Variants in ACYP2 observed in about 807,000 individuals in gnomAD.
ACYP2 encodes acylphosphatase 2.
ACYP2 carries 12 observed loss-of-function variants against 11.2 expected under a neutral mutation model. The observed-to-expected ratio is 1.08, with a 90% CI of 0.69 to 1.74. The LOEUF (loss-of-function observed/expected upper bound fraction) is 1.74, where lower values mean the gene tolerates loss of function less well. Ranked by LOEUF, ACYP2 falls within the 40% of genes most tolerant of loss-of-function variation. ACYP2 has a pLI of 0.00. For missense variants in ACYP2, 134 were observed against 101.9 expected, an observed-to-expected ratio of 1.31 and a Z score of -1.35; for synonymous variants, 43 against 32.2, an observed-to-expected ratio of 1.33 and a Z score of -1.13.
intron 4 of ACYP2, among the ~76,000 whole-genome samples, chr2:54,091,770 C>G (rs1481940709): frequency 6.6e-6 from 1 of 152,050 alleles, no homozygotes; most frequent in Non-Finnish European, 1.5e-5. Context: ...TCTCGGCCTC[C>G]CAAAGTGCGG....
chr2:54,262,689 C>T (rs949016209), intron 6 of ACYP2, among the ~76,000 whole-genome samples: 1 of 143,954 alleles, frequency 6.9e-6, no homozygotes, highest in Non-Finnish European at 1.5e-5. Flanking sequence ...CTTGAGTTGT[C>T]ATTTTAGGAT....
At chr2:54,102,013 G>C (rs2103703208) in intron 4 of ACYP2, among the ~76,000 whole-genome samples, 2 of 152,258 alleles carry the variant, frequency 1.3e-5, no homozygotes, top group Middle Eastern at 3.4e-3. Flanking sequence ...GTAATGTCAT[G>C]TATTCACCAT....
At chr2:54,178,245 A>G (rs1218417090) in intron 6 of ACYP2, among the ~76,000 whole-genome samples, 1 of 152,164 alleles carries the variant, frequency 6.6e-6, no homozygotes, top group African/African-American at 2.4e-5. Flanking sequence ...CACTTTTTAT[A>G]TTGATTTTTA....
intron 6 of ACYP2, among the ~76,000 whole-genome samples, chr2:54,196,512 A>G (rs1558604010): frequency 6.6e-6 from 1 of 152,050 alleles, no homozygotes; most frequent in Non-Finnish European, 1.5e-5. Flanking sequence ...GATTATTTCA[A>G]TTTTTTTTAA....
rs568136282 is a variant in ACYP2, at chr2:54,090,377, TC to T, written c.277+33020del. ...CAGGTGCAGTGGCTCATGCCTGTAATCCCAGCACTTTGGGAGGCCGAGGTGG... is the reference window on the plus strand; with the variant it reads ...CAGGTGCAGTGGCTCATGCCTGTAATCCAGCACTTTGGGAGGCCGAGGTGG... On this transcript the variant is annotated intron_variant, in intron 4 of 6. Coordinates refer to ENST00000607452, the MANE Select transcript of ACYP2 (RefSeq NM_001320586.2). Among the ~76,000 whole-genome samples the T allele has an allele frequency of 2.9e-3, 448 of 152,238 alleles. 2 individuals are homozygous for T. The highest frequency in any genetic ancestry group is 0.011 in the African/African-American group (442 of 41,538).
chr2:54,110,626 G>C (rs756385613), intron 4 of ACYP2, among the ~76,000 whole-genome samples: 2 of 152,058 alleles, frequency 1.3e-5, no homozygotes, highest in African/African-American at 2.4e-5. Context: ...TTGTGCAAAA[G>C]GGGCATTTTA....
chr2:54,007,814 G>C (rs1342014286), intron 2 of ACYP2, among the ~76,000 whole-genome samples: 1 of 152,122 alleles, frequency 6.6e-6, no homozygotes, highest in African/African-American at 2.4e-5. Context: ...GCAGTGAGCT[G>C]AGATCGTGCC....
chr2:54,095,860 G>A (rs1463619667), intron 4 of ACYP2, among the ~76,000 whole-genome samples: 1 of 47,180 alleles, frequency 2.1e-5, no homozygotes, highest in Admixed American at 1.6e-4. Context: ...CAGTAGGGGC[G>A]GCCGGGCAGA....
intron 2 of ACYP2, among the ~76,000 whole-genome samples, chr2:54,018,478 G>A (rs904060587): frequency 6.6e-6 from 1 of 151,652 alleles, no homozygotes; most frequent in African/African-American, 2.4e-5. Context: ...TCAATTAATT[G>A]TTGCCAGATG....
intron 6 of ACYP2, among the ~76,000 whole-genome samples, chr2:54,265,233 G>C (rs1687961310): frequency 6.6e-6 from 1 of 152,134 alleles, no homozygotes; most frequent in Admixed American, 6.5e-5. Context: ...GGCTGGGGAG[G>C]CCTCACAATC....
intron 6 of ACYP2, among the ~76,000 whole-genome samples, chr2:54,173,026 T>C (rs983509099): frequency 2.6e-5 from 4 of 152,228 alleles, no homozygotes; most frequent in Admixed American, 6.5e-5. Context: ...TGTGTCTTTA[T>C]AGCAGCATGT....
intron 6 of ACYP2, among the ~76,000 whole-genome samples, chr2:54,248,748 C>CT (rs1687074497): frequency 6.6e-6 from 1 of 152,080 alleles, no homozygotes; most frequent in South Asian, 2.1e-4. Flanking sequence ...CCTTGAAGAA[C>CT]TTAAAATTGA....
intron 6 of ACYP2, among the ~76,000 whole-genome samples, chr2:54,288,371 T>G (rs977665120): frequency 1.3e-5 from 2 of 151,888 alleles, no homozygotes; most frequent in Non-Finnish European, 2.9e-5. Flanking sequence ...TGAAAAGCAG[T>G]GGGTGGTGTA....
chr2:54,035,229 C>T (rs1365651557), intron 2 of ACYP2, among the ~76,000 whole-genome samples: 1 of 151,232 alleles, frequency 6.6e-6, no homozygotes, highest in Non-Finnish European at 1.5e-5. Flanking sequence ...TTAGACCGGC[C>T]CTGACTCTAA....
chr2:54,194,891 G>C (rs563105927), intron 6 of ACYP2, among the ~76,000 whole-genome samples: 1 of 152,278 alleles, frequency 6.6e-6, no homozygotes, highest in African/African-American at 2.4e-5. Context: ...TATATATTCA[G>C]AGTTGGTATC....
At chr2:53,999,089 G>A (rs1473359265) in intron 2 of ACYP2, among the ~76,000 whole-genome samples, 3 of 152,064 alleles carry the variant, frequency 2.0e-5, no homozygotes, top group Non-Finnish European at 2.9e-5. Context: ...AAAGGATGTG[G>A]GAGGATATAA....
At chr2:54,071,031 C>T (rs60897130) in intron 4 of ACYP2, among the ~76,000 whole-genome samples, 3,296 of 152,224 alleles carry the variant, frequency 0.022, 104 homozygotes, top group African/African-American at 0.074. Context: ...GGATTACAGG[C>T]ATAAGACACT....
chr2:54,068,685 A>G (rs1261874976), intron 4 of ACYP2, among the ~76,000 whole-genome samples: 1 of 152,162 alleles, frequency 6.6e-6, no homozygotes, highest in Admixed American at 6.5e-5. Flanking sequence ...TGCTAAAGGT[A>G]ACATGAGTTG....
intron 6 of ACYP2, among the ~76,000 whole-genome samples, chr2:54,177,734 T>C (rs776177721): frequency 4.0e-5 from 6 of 151,344 alleles, no homozygotes; most frequent in Non-Finnish European, 7.4e-5. Flanking sequence ...CGCACCACCA[T>C]GCCCAGATAA....
Sources: allele counts gnomAD v4.1 joint callset (sites outside exome capture counted in the v4.1 genomes callset), GRCh38; gene constraint gnomAD v4.1.1; transcripts MANE v1.5; gene names NCBI Gene and HGNC (gene_info 2026-07-23, HGNC 2026-07-21).